Variants in DRC8 observed in about 807,000 individuals in gnomAD.
DRC8 encodes the protein dynein regulatory complex subunit 8, also known as dynein regulatory complex protein 8.
the DRC8 span, among the ~76,000 whole-genome samples, chr1:244,998,670 A>G: frequency 2.0e-5 from 3 of 152,334 alleles, no homozygotes; most frequent in African/African-American, 7.2e-5. Context: ...AGCTCACAAA[A>G]TCAACAGGGA....
At chr1:245,040,975 C>T in the DRC8 span, among the ~76,000 whole-genome samples, 1 of 152,124 alleles carries the variant, frequency 6.6e-6, no homozygotes, top group Non-Finnish European at 1.5e-5. Flanking sequence ...AAATGCTACA[C>T]TGTAAATAAA....
At chr1:244,978,513 G>A in the DRC8 span, among the ~76,000 whole-genome samples, 6 of 148,716 alleles carry the variant, frequency 4.0e-5, no homozygotes, top group African/African-American at 1.5e-4. Flanking sequence ...AAAAAGAGAC[G>A]AGGTCTCACT....
At chr1:245,070,802 T>A in the DRC8 span, among the ~76,000 whole-genome samples, 1 of 151,898 alleles carries the variant, frequency 6.6e-6, no homozygotes, top group Non-Finnish European at 1.5e-5. Context: ...TAAACCCCAA[T>A]GAGATAGTAT....
At chr1:244,994,549 C>G in the DRC8 span, among the ~76,000 whole-genome samples, 1 of 152,160 alleles carries the variant, frequency 6.6e-6, no homozygotes, top group African/African-American at 2.4e-5. Context: ...CCTGCCTCAG[C>G]CTCCCAAGTA....
the DRC8 span, among the ~76,000 whole-genome samples, chr1:245,048,613 C>G: frequency 6.6e-6 from 1 of 151,930 alleles, no homozygotes; most frequent in Admixed American, 6.6e-5. Flanking sequence ...TTAGATTCGC[C>G]AATCCCTCAT....
the DRC8 span, among the ~76,000 whole-genome samples, chr1:245,106,044 C>T: frequency 6.6e-6 from 1 of 152,220 alleles, no homozygotes; most frequent in South Asian, 2.1e-4. Flanking sequence ...GCCTGGACAA[C>T]AGAGCAAGAC....
At chr1:245,100,363 T>C in the DRC8 span, among the ~76,000 whole-genome samples, 197 of 149,724 alleles carry the variant, frequency 1.3e-3, no homozygotes, top group Middle Eastern at 7.0e-3. Context: ...CCAGCCTGGG[T>C]GACAGAGTGA....
chr1:245,068,454 T>C, the DRC8 span, among the ~76,000 whole-genome samples: 1 of 152,116 alleles, frequency 6.6e-6, no homozygotes, highest in African/African-American at 2.4e-5. Context: ...CGTATTCTTT[T>C]TTTTAGAGAC....
chr1:245,002,605 A>T, the DRC8 span, among the ~76,000 whole-genome samples: 1 of 148,754 alleles, frequency 6.7e-6, no homozygotes, highest in Non-Finnish European at 1.5e-5. Flanking sequence ...GCTCACTTTG[A>T]CTTCCCAGGC....
chr1:245,076,259 T>A, the DRC8 span, among the ~76,000 whole-genome samples: 2 of 152,208 alleles, frequency 1.3e-5, no homozygotes, highest in South Asian at 4.1e-4. Context: ...ATCATCATCG[T>A]CATGATTGAC....
At chr1:245,005,847 T>A in the DRC8 span, among the ~76,000 whole-genome samples, 2 of 152,150 alleles carry the variant, frequency 1.3e-5, no homozygotes, top group African/African-American at 4.8e-5. Context: ...GGTCAGTTAC[T>A]CTTAAACGTG....
the DRC8 span, among the ~76,000 whole-genome samples, chr1:244,994,489 G>A: frequency 4.6e-5 from 7 of 152,080 alleles, no homozygotes; most frequent in African/African-American, 1.2e-4. Context: ...GAGTGCAGTG[G>A]CACAATCTCG....
the DRC8 span, chr1:245,086,875 T>C: frequency 1.9e-6 from 1 of 519,946 alleles, no homozygotes; most frequent in East Asian, 5.5e-5. Flanking sequence ...GTTATCTTCC[T>C]TCCATCTTTC....
At chr1:245,089,923 G>C in the DRC8 span, among the ~76,000 whole-genome samples, 747 of 152,300 alleles carry the variant, frequency 4.9e-3, 4 homozygotes, top group African/African-American at 0.017. This position sits in a 1 kb window ranked among gnomAD's most constrained non-coding sequence, Gnocchi z 4.8. Context: ...CTGCCTTTTG[G>C]AGAGGAAGGT....
the DRC8 span, among the ~76,000 whole-genome samples, chr1:245,120,368 A>G: frequency 6.6e-6 from 1 of 152,030 alleles, no homozygotes; most frequent in Admixed American, 6.6e-5. Context: ...ATCGATCTCA[A>G]TGTCTGTGTA....
chr1:245,100,340 A>G, the DRC8 span, among the ~76,000 whole-genome samples: 1 of 152,136 alleles, frequency 6.6e-6, no homozygotes, highest in South Asian at 2.1e-4. Context: ...AGCCAAGATC[A>G]TGCCACTGCA....
chr1:245,104,231 T>C, the DRC8 span, among the ~76,000 whole-genome samples: 76 of 152,266 alleles, frequency 5.0e-4, no homozygotes, highest in Non-Finnish European at 8.4e-4. Context: ...GGGCCGGGTG[T>C]GGTGGCTCAG....
the DRC8 span, among the ~76,000 whole-genome samples, chr1:245,033,967 T>C: frequency 2.2e-4 from 34 of 152,224 alleles, no homozygotes; most frequent in Non-Finnish European, 4.4e-4. Flanking sequence ...ATGACCCACC[T>C]GCCTCAGCCT....
the DRC8 span, among the ~76,000 whole-genome samples, chr1:245,102,092 T>G: frequency 6.6e-6 from 1 of 152,224 alleles, no homozygotes; most frequent in African/African-American, 2.4e-5. Flanking sequence ...ACCGTGCTTC[T>G]ACACAATAGT....
Sources: allele counts gnomAD v4.1 joint callset (sites outside exome capture counted in the v4.1 genomes callset), GRCh38; gene constraint gnomAD v4.1.1; non-coding constraint Gnocchi (gnomAD v3.1); transcripts MANE v1.5; gene names NCBI Gene and HGNC (gene_info 2026-07-23, HGNC 2026-07-21).